WWOX: variants seen among roughly 807,000 people sequenced by gnomAD.
WWOX encodes the protein WW domain-containing oxidoreductase.
A neutral mutation model predicts 46.2 loss-of-function variants in WWOX; 69 were observed. That is an observed-to-expected ratio of 1.49 (90% CI 1.23 to 1.82). The LOEUF is 1.82. Ranked by LOEUF, WWOX falls within the 40% of genes most tolerant of loss-of-function variation. WWOX has a pLI of 0.00. For synonymous variants in WWOX, 359 were observed against 202.6 expected (o/e 1.77, Z -6.56); for missense variants, 919 against 542.6 (o/e 1.69, Z -6.89).
intron 8 of WWOX, among the ~76,000 whole-genome samples, chr16:79,081,734 G>T (rs962995626): frequency 3.3e-5 from 5 of 152,138 alleles, no homozygotes; most frequent in African/African-American, 1.2e-4. Flanking sequence ...CATGCCAAGT[G>T]TGAACCATGG....
chr16:79,037,305 A>G (rs1035684845), intron 8 of WWOX, among the ~76,000 whole-genome samples: 2 of 152,166 alleles, frequency 1.3e-5, no homozygotes, highest in East Asian at 1.9e-4. Flanking sequence ...GTGCTGGGGC[A>G]TGGGTGAAAC....
chr16:78,608,541 C>T (rs1349784187), intron 8 of WWOX, among the ~76,000 whole-genome samples: 2 of 152,172 alleles, frequency 1.3e-5, no homozygotes, highest in East Asian at 1.9e-4. Flanking sequence ...TCAAGAGCCA[C>T]TCTGTGCAGA....
At chr16:78,537,922 C>T (rs1343912261) in intron 8 of WWOX, among the ~76,000 whole-genome samples, 1 of 152,026 alleles carries the variant, frequency 6.6e-6, no homozygotes, top group African/African-American at 2.4e-5. Context: ...TGCTTTTCAC[C>T]TTACAGCAGC....
intron 5 of WWOX, among the ~76,000 whole-genome samples, chr16:78,292,063 CT>C (rs5818123): frequency 0.15 from 20,960 of 136,830 alleles, 1,954 homozygotes; most frequent in East Asian, 0.29. Flanking sequence ...TGATTTTTAC[CT>C]TTTTTTTTTT....
At chr16:79,201,389 T>C (rs1472089039) in intron 8 of WWOX, among the ~76,000 whole-genome samples, 2 of 151,494 alleles carry the variant, frequency 1.3e-5, no homozygotes, top group Non-Finnish European at 2.9e-5. Context: ...GGGAATAAGA[T>C]CTGTTTCTTC....
intron 8 of WWOX, among the ~76,000 whole-genome samples, chr16:78,819,592 C>G (rs916172903): frequency 4.0e-5 from 6 of 151,860 alleles, no homozygotes; most frequent in East Asian, 1.9e-4. Context: ...TGGGGTAGCC[C>G]TGTTTTGCAA....
intron 5 of WWOX, among the ~76,000 whole-genome samples, chr16:78,259,371 G>C (rs183600144): frequency 6.6e-6 from 1 of 152,190 alleles, no homozygotes; most frequent in Non-Finnish European, 1.5e-5. Flanking sequence ...CTGTCACCCA[G>C]GTTGGAGTGC....
intron 5 of WWOX, among the ~76,000 whole-genome samples, chr16:78,311,097 G>A (rs973431693): frequency 4.6e-5 from 7 of 152,164 alleles, no homozygotes; most frequent in African/African-American, 9.7e-5. Context: ...TGTGGGACTT[G>A]TGAAAAATAC....
At chr16:78,636,277 G>A (rs1008363672) in intron 8 of WWOX, among the ~76,000 whole-genome samples, 1 of 152,160 alleles carries the variant, frequency 6.6e-6, no homozygotes, top group African/African-American at 2.4e-5. Context: ...AACCTACTGT[G>A]TGTCAATTGC....
chr16:78,941,902 G>A (rs943180350), intron 8 of WWOX, among the ~76,000 whole-genome samples: 19 of 151,978 alleles, frequency 1.3e-4, no homozygotes, highest in African/African-American at 3.6e-4. Flanking sequence ...TAATTACGGC[G>A]CTGATTAAGT....
At chr16:78,927,297 C>A (rs143956779) in intron 8 of WWOX, among the ~76,000 whole-genome samples, 1 of 152,182 alleles carries the variant, frequency 6.6e-6, no homozygotes, top group East Asian at 1.9e-4. Flanking sequence ...TCCAGCAGAG[C>A]CTGCTCTTGG....
chr16:78,146,649 C>T (rs1041894448), intron 4 of WWOX, among the ~76,000 whole-genome samples: 2 of 152,144 alleles, frequency 1.3e-5, no homozygotes, highest in Non-Finnish European at 2.9e-5. Context: ...GAACTCCTTC[C>T]CAGCTCTCCC....
intron 8 of WWOX, among the ~76,000 whole-genome samples, chr16:78,486,891 T>C (rs968840756): frequency 1.3e-5 from 2 of 152,158 alleles, no homozygotes; most frequent in African/African-American, 4.8e-5. Flanking sequence ...CAGGTTTAAA[T>C]TGCACCTTGG....
chr16:78,161,786 C>G (rs2034802559), intron 4 of WWOX, among the ~76,000 whole-genome samples: 1 of 152,028 alleles, frequency 6.6e-6, no homozygotes, highest in African/African-American at 2.4e-5. Context: ...TCTCCATTAG[C>G]TTTTTAAATT....
intron 6 of WWOX, among the ~76,000 whole-genome samples, chr16:78,398,273 C>T (rs2151942181): frequency 6.6e-6 from 1 of 152,288 alleles, no homozygotes. Context: ...TCCCTTCTCC[C>T]ATGTCACCTG....
intron 8 of WWOX, among the ~76,000 whole-genome samples, chr16:78,591,952 G>A (rs973120864): frequency 6.6e-6 from 1 of 152,196 alleles, no homozygotes; most frequent in Non-Finnish European, 1.5e-5. Flanking sequence ...ATAACCACCA[G>A]TGTTCCTAAC....
chr16:78,766,319 G>A (rs1279697835), intron 8 of WWOX, among the ~76,000 whole-genome samples: 1 of 152,186 alleles, frequency 6.6e-6, no homozygotes, highest in Non-Finnish European at 1.5e-5. Flanking sequence ...AGAGGAGACC[G>A]GGCATGGTAG....
chr16:79,154,931 G>C (rs537935971), intron 8 of WWOX, among the ~76,000 whole-genome samples: 1 of 152,296 alleles, frequency 6.6e-6, no homozygotes, highest in South Asian at 2.1e-4. Context: ...AAAGAAAGAA[G>C]AGGAAGAGCT....
chr16:79,198,121 T>C (rs1171321654), intron 8 of WWOX, among the ~76,000 whole-genome samples: 1 of 151,110 alleles, frequency 6.6e-6, no homozygotes, highest in African/African-American at 2.4e-5. Flanking sequence ...GGACAGGAGT[T>C]GGAGACCAGC....
Sources: gnomAD v4.1 joint callset for allele counts (sites outside exome capture counted in the v4.1 genomes callset) on GRCh38, gnomAD v4.1.1 for gene constraint, MANE v1.5 for transcripts, NCBI Gene and HGNC (gene_info 2026-07-23, HGNC 2026-07-21) for gene names.